The following ONECUT2 variants were observed in gnomAD, a reference collection of about 807,000 sequenced individuals.
ONECUT2 encodes one cut domain family member 2.
ONECUT2 carries 10 observed loss-of-function variants against 27.9 expected under a neutral mutation model. That is an observed-to-expected ratio of 0.36 (90% CI 0.22 to 0.61). The LOEUF is 0.61. Ranked by LOEUF, ONECUT2 falls within the 20% of genes least tolerant of loss-of-function variation. The pLI, the probability that ONECUT2 is intolerant of heterozygous loss-of-function variation, is 0.73. For synonymous variants in ONECUT2, 334 were observed against 315.1 expected (o/e 1.06, Z -0.64); for missense variants, 686 against 721.0 (o/e 0.95, Z 0.56).
chr18:57,449,352 A>G (rs1376541338), intron 1 of ONECUT2, among the ~76,000 whole-genome samples: 1 of 152,212 alleles, frequency 6.6e-6, no homozygotes, highest in Admixed American at 6.5e-5. Flanking sequence ...TTTCTTTTAT[A>G]TGACACTGTT....
intron 1 of ONECUT2, among the ~76,000 whole-genome samples, chr18:57,452,143 A>G (rs1055014257): frequency 8.5e-5 from 13 of 152,156 alleles, no homozygotes. Flanking sequence ...TTCATAAGTA[A>G]CAAACCTATG....
At chr18:57,465,165 G>GTTGT (rs1003884077) in intron 1 of ONECUT2, among the ~76,000 whole-genome samples, 1 of 151,962 alleles carries the variant, frequency 6.6e-6, no homozygotes, top group East Asian at 1.9e-4. Flanking sequence ...GGGGGCGGGG[G>GTTGT]TTGTTTGTTT....
chr18:57,469,919 G>A (rs963308076), intron 1 of ONECUT2, among the ~76,000 whole-genome samples: 3 of 152,204 alleles, frequency 2.0e-5, no homozygotes, highest in Admixed American at 1.3e-4. Flanking sequence ...CAAGGAGTAG[G>A]AAACAGGGTC....
At chr18:57,444,059 A>G (rs2050189153) in intron 1 of ONECUT2, among the ~76,000 whole-genome samples, 1 of 152,242 alleles carries the variant, frequency 6.6e-6, no homozygotes, top group Admixed American at 6.5e-5. Context: ...AATCTCTGGA[A>G]AGCATCACAT....
At chr18:57,469,891 C>T (rs2050343986) in intron 1 of ONECUT2, among the ~76,000 whole-genome samples, 1 of 152,210 alleles carries the variant, frequency 6.6e-6, no homozygotes, top group Non-Finnish European at 1.5e-5. Flanking sequence ...CACAGTCCTG[C>T]AGCTGATAAG....
At chr18:57,473,164 A>T (rs2050363344) in intron 1 of ONECUT2, among the ~76,000 whole-genome samples, 1 of 152,086 alleles carries the variant, frequency 6.6e-6, no homozygotes, top group African/African-American at 2.4e-5. Flanking sequence ...GGGGGTGGAG[A>T]CCCAGAGGCT....
chr18:57,455,543 C>G (rs17685021), intron 1 of ONECUT2, among the ~76,000 whole-genome samples: 24,589 of 152,180 alleles, frequency 0.16, 2,322 homozygotes, highest in Middle Eastern at 0.23. Context: ...TGATTCATTA[C>G]TCTCTCCTTC....
intron 1 of ONECUT2, among the ~76,000 whole-genome samples, chr18:57,443,063 A>G (rs1230598370): frequency 6.6e-6 from 1 of 152,200 alleles, no homozygotes; most frequent in African/African-American, 2.4e-5. Context: ...ACAGGACTGA[A>G]AAACTCTCAG....
At chr18:57,443,905 G>T (rs998426189) in intron 1 of ONECUT2, among the ~76,000 whole-genome samples, 1 of 152,226 alleles carries the variant, frequency 6.6e-6, no homozygotes, top group African/African-American at 2.4e-5. Context: ...TCTGTAGAAA[G>T]CAGACTTTGT....
At chr18:57,452,678 G>A (rs1370419509) in intron 1 of ONECUT2, among the ~76,000 whole-genome samples, 1 of 152,178 alleles carries the variant, frequency 6.6e-6, no homozygotes, top group Non-Finnish European at 1.5e-5. Context: ...ACTCACCTTG[G>A]CCTCCCAAAG....
At chr18:57,441,826 G>A (rs532136394) in intron 1 of ONECUT2, among the ~76,000 whole-genome samples, 8 of 152,386 alleles carry the variant, frequency 5.2e-5, no homozygotes, top group East Asian at 3.9e-4. Context: ...ATTAAACGTG[G>A]CCCTAGTAAC....
chr18:57,453,973 A>G (rs898203918), intron 1 of ONECUT2, among the ~76,000 whole-genome samples: 3 of 152,206 alleles, frequency 2.0e-5, no homozygotes, highest in Non-Finnish European at 2.9e-5. Flanking sequence ...ATTAAATTCT[A>G]TGGCGAGGGA....
chr18:57,449,753 A>G (rs1254105276), intron 1 of ONECUT2, among the ~76,000 whole-genome samples: 1 of 152,106 alleles, frequency 6.6e-6, no homozygotes, highest in African/African-American at 2.4e-5. Context: ...TCTGCCTGGA[A>G]TTCCTTATCT....
chr18:57,453,362 A>T (rs2050241543), intron 1 of ONECUT2, among the ~76,000 whole-genome samples: 1 of 152,256 alleles, frequency 6.6e-6, no homozygotes, highest in South Asian at 2.1e-4. Flanking sequence ...AGCCTTTGGA[A>T]GCAATTTTGA....
At chr18:57,468,828 T>G (rs2050338220) in intron 1 of ONECUT2, among the ~76,000 whole-genome samples, 1 of 152,260 alleles carries the variant, frequency 6.6e-6, no homozygotes, top group Non-Finnish European at 1.5e-5. Context: ...TATTCTATTT[T>G]CTTTCTTCCT....
rs1568126578 is a variant in ONECUT2 at position 57,480,661 on chromosome 18, C to A, written c.*3938C>A. The A allele has an allele frequency of 6.6e-6, 1 of 151,422 alleles. No homozygotes were observed. Among genetic ancestry groups the A allele is most frequent in the African/African-American group, 2.4e-5 (1 of 41,170 alleles). 9.4% of individuals were successfully genotyped at this position (151,422 alleles called of 1,614,324 possible). A position where few individuals can be genotyped will look rare whatever the true frequency, so the allele number is the denominator to read the frequency against. On this transcript the variant is annotated 3_prime_UTR_variant, in exon 2 of 2. Coordinates refer to ENST00000491143, the MANE Select transcript of ONECUT2 (RefSeq NM_004852.3). ...GATAATGTCATACCAGAGAAAAGTG[C>A]TTGCTTTTAGAAAATTATTTACATA... is the stretch of plus-strand genomic sequence containing the variant.
At position 57,489,952 on chromosome 18, in the gene ONECUT2, A is replaced by T. The variant is rs979975112; in HGVS notation, c.*13229A>T. On this transcript the variant is annotated 3_prime_UTR_variant, in exon 2 of 2. Coordinates refer to ENST00000491143, the MANE Select transcript of ONECUT2 (RefSeq NM_004852.3). ...GTTTCTCTTTTAATTCGTATCTTCG[A>T]TCACCTAACCTTTCTCAATCCAAGA... 6.6e-6 allele frequency: 1 copy of T among 152,192 alleles called. No homozygotes were observed. The highest frequency in any genetic ancestry group is 2.4e-5 in the African/African-American group (1 of 41,436). The allele number at this position is 152,192 out of a possible 1,614,324, so 9.4% of individuals were successfully genotyped here.
chr18:57,449,902 G>T (rs1454795087), intron 1 of ONECUT2, among the ~76,000 whole-genome samples: 1 of 152,160 alleles, frequency 6.6e-6, no homozygotes, highest in African/African-American at 2.4e-5. Flanking sequence ...GAACAGCCTT[G>T]TTGGCTCTGG....
intron 1 of ONECUT2, among the ~76,000 whole-genome samples, chr18:57,437,506 G>A (rs1050014768): frequency 3.9e-5 from 6 of 152,236 alleles, no homozygotes; most frequent in Non-Finnish European, 7.3e-5. Flanking sequence ...TTGGTCATTG[G>A]CTGAAGGCAC....
Sources: gnomAD v4.1 joint callset for allele counts (sites outside exome capture counted in the v4.1 genomes callset) on GRCh38, gnomAD v4.1.1 for gene constraint, MANE v1.5 for transcripts, NCBI Gene and HGNC (gene_info 2026-07-23, HGNC 2026-07-21) for gene names.